The following RTKN2 variants were observed in gnomAD, a reference collection of about 807,000 sequenced individuals.
RTKN2 encodes rhotekin 2.
Under a neutral mutation model 71.5 loss-of-function variants are expected in RTKN2, and 69 were observed. That is an observed-to-expected ratio of 0.96 (90% CI 0.79 to 1.18). RTKN2 has a LOEUF of 1.18. RTKN2 is among the 50% of genes most tolerant of loss of function. RTKN2 has a pLI of 0.00. For synonymous variants in RTKN2, 236 were observed against 236.5 expected, an observed-to-expected ratio of 1.00 and a Z score of 0.02; for missense variants, 724 against 719.7, an observed-to-expected ratio of 1.01 and a Z score of -0.07.
intron 6 of RTKN2, 62 bp downstream of exon 6, chr10:62,236,001 TATA>T: frequency 1.6e-5 from 19 of 1,158,182 alleles, no homozygotes; most frequent in Non-Finnish European, 2.3e-5. Context: ...ACACTTCACA[TATA>T]ATACTTTAAA....
intron 2 of RTKN2, among the ~76,000 whole-genome samples, chr10:62,251,692 T>C (rs1226486619): frequency 6.6e-6 from 1 of 152,114 alleles, no homozygotes; most frequent in Non-Finnish European, 1.5e-5. Context: ...ATTAAGTGCA[T>C]TTATACAAAT....
At chr10:62,213,820 C>T (rs1841712383) in intron 9 of RTKN2, among the ~76,000 whole-genome samples, 1 of 151,636 alleles carries the variant, frequency 6.6e-6, no homozygotes, top group South Asian at 2.1e-4. Context: ...TTTGTTTCAA[C>T]TTTTCTGTAC....
At chr10:62,221,671 A>G (rs1225001546) in intron 7 of RTKN2, among the ~76,000 whole-genome samples, 1 of 152,196 alleles carries the variant, frequency 6.6e-6, no homozygotes, top group African/African-American at 2.4e-5. Flanking sequence ...CCACAATCAC[A>G]GAAGGAGATT....
At position 62,196,137 on chromosome 10, in the gene RTKN2, A is replaced by C; in HGVS notation, c.*1771T>G. 1.0e-6 allele frequency: 1 copy of C among 983,748 alleles called. No individual in the cohort carries two copies. Among genetic ancestry groups the C allele is most frequent in the Non-Finnish European group, 1.2e-6 (1 of 828,410 alleles). The allele number at this position is 983,748 out of a possible 1,614,324, so 60.9% of individuals were successfully genotyped here. On this transcript the variant is annotated 3_prime_UTR_variant, in exon 12 of 12. Transcript: ENST00000373789. Reference sequence around the variant, plus strand: ...TAATTTAGTGGCAATGACAGTCACAAATGCTGTCAAAAACAGCAATGAAGT... The same window carrying C: ...TAATTTAGTGGCAATGACAGTCACACATGCTGTCAAAAACAGCAATGAAGT...
At chr10:62,266,290 T>C (rs1842867185) in intron 1 of RTKN2, among the ~76,000 whole-genome samples, 1 of 152,176 alleles carries the variant, frequency 6.6e-6, no homozygotes, top group African/African-American at 2.4e-5. Context: ...AAAATGGCTT[T>C]ATTGTTGGTA....
intron 9 of RTKN2, among the ~76,000 whole-genome samples, chr10:62,215,255 T>C (rs1212573402): frequency 1.3e-5 from 2 of 152,060 alleles, no homozygotes; most frequent in Admixed American, 1.3e-4. Context: ...ACCAAAATTA[T>C]TTAAGCTGAA....
intron 5 of RTKN2, among the ~76,000 whole-genome samples, chr10:62,236,821 A>G (rs898951313): frequency 2.0e-5 from 3 of 151,944 alleles, no homozygotes; most frequent in African/African-American, 7.2e-5. Context: ...TTGCTACAAC[A>G]CGGATGAACT....
downstream of RTKN2, among the ~76,000 whole-genome samples, chr10:62,191,973 G>A (rs2132766594): frequency 6.6e-6 from 1 of 151,966 alleles, no homozygotes; most frequent in South Asian, 2.1e-4. Flanking sequence ...AAACAAGGCA[G>A]GAACTTAAGT....
chr10:62,230,739 G>C (rs1377252124), intron 6 of RTKN2, among the ~76,000 whole-genome samples: 1 of 152,166 alleles, frequency 6.6e-6, no homozygotes, highest in Non-Finnish European at 1.5e-5. Context: ...AGGTATACTG[G>C]AAAGAGAGCC....
At chr10:62,215,181 C>A in intron 9 of RTKN2, 1 of 750,682 alleles carries the variant, frequency 1.3e-6, no homozygotes, top group Non-Finnish European at 2.1e-6. Context: ...AGTAGGATTT[C>A]ATTTTTACTC....
intron 6 of RTKN2, among the ~76,000 whole-genome samples, chr10:62,229,007 T>A (rs1842092652): frequency 6.6e-6 from 1 of 152,188 alleles, no homozygotes; most frequent in African/African-American, 2.4e-5. Context: ...TCGGTCATAC[T>A]GGGAACCCAC....
At chr10:62,201,788 A>G (rs1564499796) in intron 10 of RTKN2, among the ~76,000 whole-genome samples, 2 of 152,222 alleles carry the variant, frequency 1.3e-5, no homozygotes, top group African/African-American at 4.8e-5. Flanking sequence ...TCAGAGGTAT[A>G]AACGTGTTCA....
downstream of RTKN2, among the ~76,000 whole-genome samples, chr10:62,188,964 G>C (rs1425032783): frequency 6.6e-6 from 1 of 151,492 alleles, no homozygotes; most frequent in Non-Finnish European, 1.5e-5. Context: ...TAGCCAGGAT[G>C]ATCTCGATCT....
chr10:62,205,858 T>C (rs1841538553), intron 9 of RTKN2, among the ~76,000 whole-genome samples: 1 of 152,078 alleles, frequency 6.6e-6, no homozygotes, highest in African/African-American at 2.4e-5. Flanking sequence ...CAAGGAATAT[T>C]GGGGGATAAA....
intron 2 of RTKN2, chr10:62,259,261 T>C: frequency 2.5e-6 from 1 of 402,536 alleles, no homozygotes; most frequent in Non-Finnish European, 4.8e-6. Context: ...GTGAGTGCAT[T>C]AAACCTCTTT....
At chr10:62,232,259 C>A (rs1277863805) in intron 6 of RTKN2, among the ~76,000 whole-genome samples, 2 of 151,330 alleles carry the variant, frequency 1.3e-5, no homozygotes, top group Non-Finnish European at 1.5e-5. Flanking sequence ...AATTTATTCT[C>A]AAAAATTCCT....
At position 62,233,963 on chromosome 10, in the gene RTKN2, A is replaced by G. The variant is rs562957310; in HGVS notation, c.686+2103T>C. Among the ~76,000 whole-genome samples the G allele has an allele frequency of 5.9e-5, 9 of 152,354 alleles. No homozygotes were observed. The South Asian group carries it at 1.0e-3, about 18-fold the overall frequency. On this transcript the variant is annotated intron_variant, in intron 6 of 11. Coordinates refer to ENST00000373789, the MANE Select transcript of RTKN2 (RefSeq NM_145307.4). The stretch of plus-strand genomic sequence containing the variant: ...TTGATCAACAGTGTTCCAAAGAAAC[A>G]TCAACATAAAACTATTTGTGAAGAA...
At position 62,193,828 on chromosome 10, in the gene RTKN2, A is replaced by G; in HGVS notation, c.*4080T>C. Reference sequence around the variant, plus strand: ...GTATACTTTAAGAAGGATTATATGTAAACATTTTAATAATGTTAATTATAC... The same window carrying G: ...GTATACTTTAAGAAGGATTATATGTGAACATTTTAATAATGTTAATTATAC... On this transcript the variant is annotated 3_prime_UTR_variant, in exon 12 of 12. Transcript: ENST00000373789. The G allele has an allele frequency of 1.0e-6, 1 of 972,438 alleles. No individual in the cohort carries two copies. Among genetic ancestry groups the G allele is most frequent in the Non-Finnish European group, 1.2e-6 (1 of 818,102 alleles). 60.2% of individuals were successfully genotyped at this position (972,438 alleles called of 1,614,324 possible). A position where few individuals can be genotyped will look rare whatever the true frequency, so the allele number is the denominator to read the frequency against.
At chr10:62,247,326 A>C (rs1842497997) in intron 2 of RTKN2, among the ~76,000 whole-genome samples, 1 of 151,966 alleles carries the variant, frequency 6.6e-6, no homozygotes, top group African/African-American at 2.4e-5. Flanking sequence ...TATAGGTGAC[A>C]TATATTTTGA....
Sources: gnomAD v4.1 joint callset for allele counts (sites outside exome capture counted in the v4.1 genomes callset) on GRCh38, gnomAD v4.1.1 for gene constraint, MANE v1.5 for transcripts, NCBI Gene and HGNC (gene_info 2026-07-23, HGNC 2026-07-21) for gene names.